Variants in SV2B observed in about 807,000 individuals in gnomAD.
SV2B encodes solute carrier family 22 member B2.
SV2B carries 41 observed loss-of-function variants against 73.9 expected under a neutral mutation model. The ratio of observed to expected loss-of-function variants is 0.56; its 90% CI spans 0.43 to 0.72. The LOEUF (loss-of-function observed/expected upper bound fraction) is 0.72. Ranked by LOEUF, SV2B falls within the 30% of genes least tolerant of loss-of-function variation. The pLI is 0.00. For synonymous variants in SV2B, 314 were observed against 314.2 expected (o/e 1.00, Z 0.01); for missense variants, 764 against 857.8 (o/e 0.89, Z 1.37).
At chr15:91,196,892 G>A (rs1249336186) in intron 1 of SV2B, among the ~76,000 whole-genome samples, 1 of 152,210 alleles carries the variant, frequency 6.6e-6, no homozygotes, top group Non-Finnish European at 1.5e-5. Context: ...GGGAGATCAG[G>A]CAGGTGATAA....
At chr15:91,219,157 C>T (rs1200020607) in intron 1 of SV2B, among the ~76,000 whole-genome samples, 2 of 152,088 alleles carry the variant, frequency 1.3e-5, no homozygotes, top group African/African-American at 2.4e-5. Context: ...CCATGTTGCC[C>T]AGGCTTGTCT....
rs200016125 is a variant in SV2B at position 91,125,781 on chromosome 15, C to CAAAAAAAAAAAAAAAAAAAAA, written c.-392+25437_-392+25438insAAAAAAAAAAAAAAAAAAAAA. ...CAAAGTGAGACCCTGTCTCAAGGGG[C>CAAAAAAAAAAAAAAAAAAAAA]AAAAAAAAAAAAAAAAAAATTCAGT... On this transcript the variant is annotated intron_variant, in intron 1 of 12. Transcript: ENST00000394232. Among the ~76,000 whole-genome samples the CAAAAAAAAAAAAAAAAAAAAA allele has an allele frequency of 4.9e-3, 276 of 56,842 alleles. 28 individuals carry two copies. The highest frequency in any genetic ancestry group is 6.7e-3 in the Non-Finnish European group (193 of 28,640). The allele number at this position is 56,842 out of a possible 152,430, so 37.3% of individuals were successfully genotyped here.
chr15:91,248,185 G>A (rs765764674), intron 2 of SV2B, among the ~76,000 whole-genome samples: 5 of 152,110 alleles, frequency 3.3e-5, no homozygotes, highest in South Asian at 2.1e-4. Flanking sequence ...GCCGGGCGTG[G>A]TGGTGGGCGC....
rs1293982034 is a variant in SV2B at position 91,132,016 on chromosome 15, G to A, written c.-392+31653G>A. ...TTAGCCAAGTGTGGTGATGTCACTG[G>A]TAGAGGGTCGTGACTGCAAGTTATT... On this transcript the variant is annotated intron_variant, in intron 1 of 12. Transcript: ENST00000394232. This position sits in a 1 kb window ranked among gnomAD's most constrained non-coding sequence, Gnocchi z 4.6. Among the ~76,000 whole-genome samples the A allele has an allele frequency of 6.6e-6, 1 of 152,168 alleles. No individual in the cohort carries two copies. Among genetic ancestry groups the A allele is most frequent in the African/African-American group, 2.4e-5 (1 of 41,438 alleles).
At position 91,229,576 on chromosome 15, in the gene SV2B, G is replaced by C. The variant is rs556355814; in HGVS notation, c.451+2862G>C. 6.6e-6 allele frequency among the ~76,000 whole-genome samples: 1 copy of C among 152,214 alleles called. No homozygotes were observed. Among genetic ancestry groups the C allele is most frequent in the African/African-American group, 2.4e-5 (1 of 41,536 alleles). Reference sequence around the variant, plus strand: ...AGTGTGGTTTTGAGAAAGTTGCCTGGCTTCTCTGTGCCTTGGTTTCCTTGT... The same window carrying C: ...AGTGTGGTTTTGAGAAAGTTGCCTGCCTTCTCTGTGCCTTGGTTTCCTTGT... On this transcript the variant is annotated intron_variant, in intron 2 of 12. Transcript: ENST00000394232. The surrounding 1 kb of genome is among the most constrained non-coding windows in gnomAD (Gnocchi z 4.3).
chr15:91,253,066 A>G lies in SV2B; in HGVS notation c.784+546A>G, dbSNP rs74686949. Among the ~76,000 whole-genome samples, 3,311 of 152,214 alleles carry G rather than the reference A, an allele frequency of 0.022. 74 individuals are homozygous for G. The highest frequency in any genetic ancestry group is 0.096 in the East Asian group (496 of 5,164). Reference sequence around the variant, plus strand: ...GACAGTGCAGGAGCCCTTATAGACAAGGTCATGGTTTCAGCCGGGACAATT... The same window carrying G: ...GACAGTGCAGGAGCCCTTATAGACAGGGTCATGGTTTCAGCCGGGACAATT... On this transcript the variant is annotated intron_variant, in intron 4 of 12. Transcript: ENST00000394232. The surrounding 1 kb of genome is among the most constrained non-coding windows in gnomAD (Gnocchi z 5.0).
intron 1 of SV2B, among the ~76,000 whole-genome samples, chr15:91,179,200 G>T (rs1373699555): frequency 1.3e-5 from 2 of 152,074 alleles, no homozygotes; most frequent in Non-Finnish European, 2.9e-5. Context: ...TAGTTGAGTG[G>T]TTTTGAGTGA....
intron 1 of SV2B, among the ~76,000 whole-genome samples, chr15:91,221,693 G>GCGCGCGCGCGCGCGCACA (rs370290337): frequency 8.6e-5 from 12 of 140,156 alleles, no homozygotes; most frequent in African/African-American, 3.1e-4. Flanking sequence ...AAGCATGTGC[G>GCGCGCGCGCGCGCGCACA]CACACACACA....
At chr15:91,151,605 G>T (rs1475666516) in intron 1 of SV2B, among the ~76,000 whole-genome samples, 3 of 152,152 alleles carry the variant, frequency 2.0e-5, no homozygotes, top group African/African-American at 7.2e-5. Context: ...CTAAAATTTA[G>T]GTAAAATGAA....
At chr15:91,285,725 C>T (rs1427349696) in intron 11 of SV2B, among the ~76,000 whole-genome samples, 1 of 152,164 alleles carries the variant, frequency 6.6e-6, no homozygotes, top group Admixed American at 6.5e-5. Flanking sequence ...CCTTATGAGT[C>T]CCAGAGTTTA....
Position 91,147,955 on chromosome 15 carries a change from C to G in SV2B, c.-392+47592C>G, listed in dbSNP as rs79040526. Among the ~76,000 whole-genome samples, 4 of 143,562 alleles carry G rather than the reference C, an allele frequency of 2.8e-5. No individual in the cohort carries two copies. The East Asian group carries it at 6.2e-4, about 22-fold the overall frequency. The allele number at this position is 143,562 out of a possible 152,430, so 94.2% of individuals were successfully genotyped here. On this transcript the variant is annotated intron_variant, in intron 1 of 12. Transcript: ENST00000394232. ...TTTTCTGTTTGTTCCCCACCCCGCACCCCCCCCAACTTTTTTTTTTTTTTT... is the reference window on the plus strand; with the variant it reads ...TTTTCTGTTTGTTCCCCACCCCGCAGCCCCCCCAACTTTTTTTTTTTTTTT...
intron 2 of SV2B, among the ~76,000 whole-genome samples, chr15:91,235,835 G>C (rs1297406566): frequency 6.6e-6 from 1 of 152,196 alleles, no homozygotes; most frequent in Non-Finnish European, 1.5e-5. Flanking sequence ...TGTGGAGCTT[G>C]TGTAGATTTT....
rs571964683 is a variant in SV2B at position 91,159,853 on chromosome 15, C to A, written c.-392+59490C>A. 3.2e-4 allele frequency among the ~76,000 whole-genome samples: 49 copies of A among 152,138 alleles called. 2 individuals are homozygous for A. In the South Asian group the frequency reaches 1.0e-2, roughly 31 times the overall value. ...TCTTATATCTGGATAATCTAAGTGT[C>A]TAAGTGAAAAATTATTATAACTAAT... On this transcript the variant is annotated intron_variant, in intron 1 of 12. Coordinates refer to ENST00000394232, the MANE Select transcript of SV2B (RefSeq NM_001323032.3).
At chr15:91,198,560 G>A (rs1186835450) in intron 1 of SV2B, among the ~76,000 whole-genome samples, 3 of 151,442 alleles carry the variant, frequency 2.0e-5, no homozygotes, top group Admixed American at 1.3e-4. Flanking sequence ...GGAGTATTAC[G>A]TTTGTACCAG....
rs1312875226 is a variant in SV2B, at chr15:91,123,514, T to A, written c.-392+23151T>A. ...GGCCATAAAACCACAGAGCCTGCACTTGGGTACCCCGGGAGAACTTAGGGA... is the reference window on the plus strand; with the variant it reads ...GGCCATAAAACCACAGAGCCTGCACATGGGTACCCCGGGAGAACTTAGGGA... On this transcript the variant is annotated intron_variant, in intron 1 of 12. Coordinates refer to ENST00000394232, the MANE Select transcript of SV2B (RefSeq NM_001323032.3). The surrounding 1 kb of genome is among the most constrained non-coding windows in gnomAD (Gnocchi z 4.7). Among the ~76,000 whole-genome samples the A allele has an allele frequency of 6.6e-6, 1 of 152,172 alleles. No homozygotes were observed.
At chr15:91,152,927 T>C (rs1023962971) in intron 1 of SV2B, among the ~76,000 whole-genome samples, 3 of 152,190 alleles carry the variant, frequency 2.0e-5, no homozygotes, top group Non-Finnish European at 4.4e-5. Flanking sequence ...AATCTATTTC[T>C]CACAGTTCTG....
In SV2B at chr15:91,214,350, T is replaced by C. The variant is rs1193860944; in HGVS notation, c.-391-11523T>C. On this transcript the variant is annotated intron_variant, in intron 1 of 12. Transcript: ENST00000394232. The surrounding 1 kb of genome is among the most constrained non-coding windows in gnomAD (Gnocchi z 4.7). ...AGTGTGGTATGCATCTCTGCAGGAA[T>C]TAGGGAATACCTAGGAAGGCATATC... Among the ~76,000 whole-genome samples the C allele has an allele frequency of 6.6e-6, 1 of 152,192 alleles. No individual in the cohort carries two copies. The highest frequency in any genetic ancestry group is 1.5e-5 in the Non-Finnish European group (1 of 68,026).
intron 9 of SV2B, among the ~76,000 whole-genome samples, chr15:91,279,048 A>G (rs180692293): frequency 3.3e-4 from 50 of 152,336 alleles, no homozygotes; most frequent in African/African-American, 1.1e-3. Context: ...GTGTCTGCAC[A>G]TGCTTTTCCC....
intron 1 of SV2B, among the ~76,000 whole-genome samples, chr15:91,212,517 A>G (rs902969036): frequency 1.3e-5 from 2 of 152,162 alleles, no homozygotes; most frequent in Admixed American, 6.5e-5. Context: ...TAATTCTGTC[A>G]GTCTTAGCAT....
Sources: allele counts gnomAD v4.1 joint callset (sites outside exome capture counted in the v4.1 genomes callset), GRCh38; gene constraint gnomAD v4.1.1; non-coding constraint Gnocchi (gnomAD v3.1); transcripts MANE v1.5; gene names NCBI Gene and HGNC (gene_info 2026-07-23, HGNC 2026-07-21).